The following COG6 variants were observed in gnomAD, a reference collection of about 807,000 sequenced individuals.
The protein encoded by COG6 is component of oligomeric golgi complex 6, also known as conserved oligomeric Golgi complex subunit 6.
In COG6, 74 loss-of-function variants were observed where a neutral mutation model predicts 88.8. The ratio of observed to expected loss-of-function variants is 0.83; its 90% CI spans 0.69 to 1.01. COG6 has a LOEUF of 1.01. Ranked by LOEUF, COG6 falls within the 50% of genes least tolerant of loss-of-function variation. The probability of loss-of-function intolerance (pLI) is 0.00; values close to 1 mark genes in which losing one functional copy is unlikely to be tolerated. For synonymous variants in COG6, 286 were observed against 278.7 expected (o/e 1.03, Z -0.26); for missense variants, 800 against 797.9 (o/e 1.00, Z -0.03).
At chr13:39,740,428 A>G (rs577582547) in intron 18 of COG6, among the ~76,000 whole-genome samples, 162 of 152,306 alleles carry the variant, frequency 1.1e-3, no homozygotes, top group Non-Finnish European at 1.8e-3. Context: ...ACTTAGTTCA[A>G]TTCTTTCGAT....
chr13:39,778,306 G>A (rs9532431), intron 18 of COG6, among the ~76,000 whole-genome samples: 3,925 of 152,240 alleles, frequency 0.026, 106 homozygotes, highest in South Asian at 0.14. Context: ...GGTAGTGTCT[G>A]CCTAGAGCCT....
intron 12 of COG6, among the ~76,000 whole-genome samples, chr13:39,698,734 T>A (rs17445452): frequency 2.6e-4 from 40 of 151,970 alleles, no homozygotes; most frequent in Middle Eastern, 3.4e-3. Context: ...TTATAATTCC[T>A]TACTGGATTA....
intron 18 of COG6, among the ~76,000 whole-genome samples, chr13:39,784,237 C>A (rs962435532): frequency 2.6e-5 from 4 of 152,202 alleles, no homozygotes; most frequent in Admixed American, 6.5e-5. Context: ...CCTGACATCA[C>A]CTGCAAAGAA....
intron 18 of COG6, among the ~76,000 whole-genome samples, chr13:39,779,182 TTG>T (rs2138186159): frequency 6.6e-6 from 1 of 152,218 alleles, no homozygotes; most frequent in South Asian, 2.1e-4. Context: ...CTTTATAGAG[TTG>T]TAAGGATAAA....
intron 17 of COG6, among the ~76,000 whole-genome samples, chr13:39,727,173 C>T (rs1229682894): frequency 1.3e-5 from 2 of 151,938 alleles, no homozygotes; most frequent in East Asian, 1.9e-4. Context: ...AACCTGATGA[C>T]TTTACTTCTT....
At chr13:39,733,037 T>TA (rs1879536296) in intron 18 of COG6, among the ~76,000 whole-genome samples, 1 of 151,778 alleles carries the variant, frequency 6.6e-6, no homozygotes, top group African/African-American at 2.4e-5. Flanking sequence ...TTTGAAAAGC[T>TA]AAGTATAAAA....
intron 12 of COG6, 97 bp from the exon 13 acceptor site, chr13:39,699,404 T>C (rs1460824885): frequency 3.2e-6 from 2 of 631,942 alleles, no homozygotes; most frequent in South Asian, 1.9e-5. Context: ...ATAAAAACTT[T>C]TATTTAAATC....
At chr13:39,787,280 G>T (rs1229127483) in intron 18 of COG6, among the ~76,000 whole-genome samples, 1 of 152,188 alleles carries the variant, frequency 6.6e-6, no homozygotes, top group Non-Finnish European at 1.5e-5. Context: ...AGAAGATGGG[G>T]TTAATTGGTA....
At chr13:39,679,041 A>G (rs1876145217) in intron 5 of COG6, among the ~76,000 whole-genome samples, 1 of 152,166 alleles carries the variant, frequency 6.6e-6, no homozygotes, top group African/African-American at 2.4e-5. Flanking sequence ...ACATTTAAAT[A>G]TCAATCAACA....
At chr13:39,779,765 C>T (rs187459458) in intron 18 of COG6, among the ~76,000 whole-genome samples, 24 of 152,264 alleles carry the variant, frequency 1.6e-4, no homozygotes, top group Admixed American at 3.3e-4. Flanking sequence ...TCTGACATCA[C>T]AGGAAGGGGA....
chr13:39,742,283 GC>G (rs1352324910), intron 18 of COG6, among the ~76,000 whole-genome samples: 2 of 152,082 alleles, frequency 1.3e-5, no homozygotes, highest in Non-Finnish European at 2.9e-5. Flanking sequence ...TGGGCTAAAT[GC>G]CCCAATTAAA....
chr13:39,753,761 T>C (rs527555676), downstream of COG6, among the ~76,000 whole-genome samples: 1 of 152,282 alleles, frequency 6.6e-6, no homozygotes, highest in East Asian at 1.9e-4. Context: ...CTGGCCTCTC[T>C]GTAGGATTAT....
At chr13:39,780,446 T>G (rs1881596073) in intron 18 of COG6, among the ~76,000 whole-genome samples, 1 of 152,180 alleles carries the variant, frequency 6.6e-6, no homozygotes, top group Non-Finnish European at 1.5e-5. Context: ...AAAGACAATG[T>G]CTGGGGTGAA....
chr13:39,749,674 T>A (rs1287812811), intron 18 of COG6, among the ~76,000 whole-genome samples: 1 of 152,130 alleles, frequency 6.6e-6, no homozygotes, highest in African/African-American at 2.4e-5. Flanking sequence ...ATTAAGAGCA[T>A]TTACAAGTGG....
rs376743147 is a variant in COG6 at position 39,679,625 on chromosome 13, G to C, written c.623+5G>C. 6.4e-7 allele frequency: 1 copy of C among 1,566,360 alleles called. No individual in the cohort carries two copies. The highest frequency in any genetic ancestry group is 1.4e-5 in the African/African-American group (1 of 73,982). Reference sequence around the variant, plus strand: ...TACAAATCAACAAACGGCAGGGTGAGTAACTGCTCACTGAACTAATTGCAT... The same window carrying C: ...TACAAATCAACAAACGGCAGGGTGACTAACTGCTCACTGAACTAATTGCAT... On this transcript the variant is annotated splice_donor_5th_base_variant and intron_variant, in intron 6 of 18. Coordinates refer to ENST00000455146, the MANE Select transcript of COG6 (RefSeq NM_020751.3).
Position 39,695,228 on chromosome 13 carries a change from A to G in COG6, c.1166+503A>G, listed in dbSNP as rs73457979. ...ATTCTTTAGCATTTAGTTTACTATA[A>G]GTGATAAAATAGAGTCATAGCTTTA... On this transcript the variant is annotated intron_variant, in intron 12 of 18. Transcript: ENST00000455146. 6.8e-3 allele frequency among the ~76,000 whole-genome samples: 1,035 copies of G among 151,916 alleles called. 8 individuals are homozygous for G. The highest frequency in any genetic ancestry group is 0.024 in the African/African-American group (997 of 41,502).
At chr13:39,686,439 A>G (rs1479665979) in intron 8 of COG6, among the ~76,000 whole-genome samples, 2 of 152,194 alleles carry the variant, frequency 1.3e-5, no homozygotes, top group Non-Finnish European at 2.9e-5. Flanking sequence ...CCTATTCCCC[A>G]GTTAAAAGCT....
In COG6 at chr13:39,711,924, A is replaced by G. The variant is rs192220640; in HGVS notation, c.1285-7312A>G. ...GCCCAGGCTGGAGTACAGTGGTGCA[A>G]TCTCACCTCACTACAACCTCCACCT... On this transcript the variant is annotated intron_variant, in intron 13 of 18. Coordinates refer to ENST00000455146, the MANE Select transcript of COG6 (RefSeq NM_020751.3). Among the ~76,000 whole-genome samples, 20 of 152,208 alleles carry G rather than the reference A, an allele frequency of 1.3e-4. No homozygotes were observed. The East Asian group carries it at 3.7e-3, about 28-fold the overall frequency.
intron 13 of COG6, among the ~76,000 whole-genome samples, chr13:39,716,572 T>C (rs1001623005): frequency 2.0e-5 from 3 of 152,100 alleles, no homozygotes; most frequent in Non-Finnish European, 2.9e-5. Flanking sequence ...GATTTTTTTT[T>C]CTCTGTGTCC....
Sources: gnomAD v4.1 joint callset for allele counts (sites outside exome capture counted in the v4.1 genomes callset) on GRCh38, gnomAD v4.1.1 for gene constraint, MANE v1.5 for transcripts, NCBI Gene and HGNC (gene_info 2026-07-23, HGNC 2026-07-21) for gene names.